BIRC6: variants seen among roughly 807,000 people sequenced by gnomAD.
BIRC6 encodes the protein dual E2 ubiquitin-conjugating enzyme/E3 ubiquitin-protein ligase BIRC6.
A neutral mutation model predicts 503.3 loss-of-function variants in BIRC6; 98 were observed. That is an observed-to-expected ratio of 0.19 (90% CI 0.17 to 0.23). The LOEUF (loss-of-function observed/expected upper bound fraction) is 0.23. Among genes scored for constraint, BIRC6 ranks in the 10% least tolerant of loss-of-function variants. The pLI is 1.00. For synonymous variants in BIRC6, 2,240 were observed against 2,078.7 expected (o/e 1.08, Z -2.11); for missense variants, 5,360 against 5,806.0 (o/e 0.92, Z 2.50).
At chr2:32,391,901 T>G (rs1326288186) in intron 4 of BIRC6, 138 bp from the exon 5 acceptor site, 2 of 575,476 alleles carry the variant, frequency 3.5e-6, no homozygotes, top group Non-Finnish European at 5.9e-6. Context: ...TAGTTTAAAG[T>G]AAAAAATTGA....
chr2:32,502,716 A>C (rs1285704401), intron 47 of BIRC6, 79 bp from the exon 48 acceptor site: 4 of 1,056,652 alleles, frequency 3.8e-6, no homozygotes, highest in Non-Finnish European at 5.4e-6. Flanking sequence ...ATTAACTAGG[A>C]AGGAATATTA....
At chr2:32,542,421 ATCTTATTCCCC>A (rs2057731998) in intron 61 of BIRC6, among the ~76,000 whole-genome samples, 1 of 152,164 alleles carries the variant, frequency 6.6e-6, no homozygotes, top group Non-Finnish European at 1.5e-5. Flanking sequence ...CAGAGACAAA[ATCTTATTCCCC>A]TCAGGCATCA....
Position 32,518,374 on chromosome 2 carries a change from A to G in BIRC6, c.11470A>G (p.Met3824Val), listed in dbSNP as rs748204802. ...GATGCTGGAAGATGAGAAAGTGACA[A>G]TGTTTCTTCAGTCTCCATGTCCAGT... ...QLMLEDEKVTMFLQSPCPLYK... is the reference protein window; with the variant it reads ...QLMLEDEKVTVFLQSPCPLYK... The change falls in exon 56 of 74, where the codon ATG (methionine) becomes GTG (valine). Residue 3824 changes from methionine to valine, a missense_variant. This residue lies in a region of BIRC6 where 878 missense variants were observed against 928.9 expected (regional missense o/e 0.95). Coordinates refer to ENST00000421745, the MANE Select transcript of BIRC6 (RefSeq NM_016252.4). 58 of 1,609,252 alleles carry G rather than the reference A, an allele frequency of 3.6e-5. No homozygotes were observed. The highest frequency in any genetic ancestry group is 1.7e-4 in the Admixed American group (10 of 58,806).
intron 68 of BIRC6, 41 bp downstream of exon 68, chr2:32,595,185 ATT>A: frequency 1.6e-6 from 2 of 1,285,358 alleles, no homozygotes; most frequent in Non-Finnish European, 2.2e-6. Context: ...CTCACTTTCC[ATT>A]TTTTTTTAAC....
chr2:32,453,784 A>G (rs1046331743), intron 22 of BIRC6, 24 bp from the exon 23 acceptor site: 3 of 1,608,310 alleles, frequency 1.9e-6, no homozygotes, highest in African/African-American at 1.3e-5. Flanking sequence ...TTCACGTGTT[A>G]TAAAACTTGT....
intron 57 of BIRC6, 91 bp downstream of exon 57, chr2:32,519,037 A>G (rs959605305): frequency 7.8e-7 from 1 of 1,287,962 alleles, no homozygotes; most frequent in African/African-American, 1.5e-5. Flanking sequence ...TTCTGCATCC[A>G]CTTTGCAACC....
chr2:32,475,346 A>G (rs2049621784), intron 33 of BIRC6, among the ~76,000 whole-genome samples: 1 of 152,118 alleles, frequency 6.6e-6, no homozygotes, highest in African/African-American at 2.4e-5. Flanking sequence ...ACCAGATTGT[A>G]AGGTCTTTAT....
At position 32,415,584 on chromosome 2, in the gene BIRC6, G is replaced by T. The variant is rs755131613; in HGVS notation, c.2293G>T (p.Ala765Ser). The T allele has an allele frequency of 1.2e-6, 2 of 1,613,818 alleles. No homozygotes were observed. The highest frequency in any genetic ancestry group is 2.2e-5 in the South Asian group (2 of 91,080). ...CTTGAGTGCAATAAATCAAGTAGAG[G>T]CCTTGAATAATTTAAATAAATTAAA... The part of the protein sequence containing the change: ...ESLSAINQVE[A>S]LNNLNKLNSA... The change falls in exon 10 of 74, where the codon GCC becomes TCC. Residue 765 changes from alanine to serine, a missense_variant. By Grantham distance (99) the Ala-to-Ser change is moderately conservative. Transcript: ENST00000421745.
chr2:32,470,895 T>C, intron 31 of BIRC6, 119 bp from the exon 32 acceptor site: 1 of 995,330 alleles, frequency 1.0e-6, no homozygotes, highest in Non-Finnish European at 1.4e-6. Flanking sequence ...ATATTAGTGT[T>C]AGTAATGATA....
intron 61 of BIRC6, among the ~76,000 whole-genome samples, chr2:32,535,383 A>G (rs573619734): frequency 1.5e-3 from 233 of 152,138 alleles, no homozygotes; most frequent in Non-Finnish European, 1.4e-3. Context: ...TACATGTGCA[A>G]TGTTGGTATG....
intron 49 of BIRC6, among the ~76,000 whole-genome samples, chr2:32,504,698 A>T (rs186024167): frequency 1.2e-4 from 18 of 151,946 alleles, no homozygotes; most frequent in African/African-American, 4.1e-4. Context: ...TAAATAATAA[A>T]AAAAATTTAA....
Position 32,467,656 on chromosome 2 carries a change from C to T in BIRC6, c.5488C>T (p.Arg1830Trp). 3 of 1,613,834 alleles carry T rather than the reference C, an allele frequency of 1.9e-6. No individual in the cohort carries two copies. Among genetic ancestry groups the T allele is most frequent in the Non-Finnish European group, 2.5e-6 (3 of 1,179,848 alleles). ...ATTAGGAGAAGAGGTGGATGGAAGG[C>T]GGTTGGTAGTGGCAACTGATATAAG... ...WTLGEEVDGR[R>W]LVVATDISTH... is the part of the protein sequence containing the mutation. Residue 1830 changes from arginine (R) to tryptophan (W), a missense_variant, in exon 27 of 74, where the codon CGG becomes TGG. Physicochemically the swap from Arg to Trp is moderately radical, Grantham distance 101. Coordinates refer to ENST00000421745, the MANE Select transcript of BIRC6 (RefSeq NM_016252.4).
At chr2:32,607,975 CAAAAAAAAAAA>C (rs35242178) in intron 72 of BIRC6, among the ~76,000 whole-genome samples, 62 of 51,940 alleles carry the variant, frequency 1.2e-3, no homozygotes, top group East Asian at 2.8e-3. Context: ...ACTCCATCTC[CAAAAAAAAAAA>C]AAAAAAAAAA....
rs10610125 is a variant in BIRC6, at chr2:32,431,181, CTTTTTTTTTTTTTTTTTTTTTTTTTT to C, written c.3248+98_3248+123del. The C allele has an allele frequency of 2.2e-4, 15 of 69,342 alleles. 1 individual carries two copies. The highest frequency in any genetic ancestry group is 4.0e-4 in the Non-Finnish European group (15 of 37,422). 4.3% of individuals were successfully genotyped at this position (69,342 alleles called of 1,614,324 possible). ...AATTCCTAGGTATATTACTGTTTAT[CTTTTTTTTTTTTTTTTTTTTTTTTTT>C]TTTTTTGAGACAGAGTCTCACTCTG... On this transcript the variant is annotated intron_variant, in intron 12 of 73. Transcript: ENST00000421745.
chr2:32,510,579 A>G lies in BIRC6; in HGVS notation c.10291A>G (p.Thr3431Ala). The G allele has an allele frequency of 6.2e-7, 1 of 1,610,510 alleles. No homozygotes were observed. Among genetic ancestry groups the G allele is most frequent in the Non-Finnish European group, 8.5e-7 (1 of 1,176,836 alleles). ...GRLNGLSSDS[T>A]IDILYQLGTT... The stretch of plus-strand genomic sequence containing the variant: ...ACTAAATGGACTCTCTTCTGACTCT[A>G]CGATAGATATTCTTTACCAGCTTGG... Residue 3431 changes from threonine to alanine, a missense_variant, in exon 53 of 74, where the codon ACG (threonine) becomes GCG (alanine). Thr to Ala is a moderately conservative substitution (Grantham distance 58, BLOSUM62 0). Around this residue, in one of 16 missense-constraint regions of BIRC6, gnomAD observed 878 missense variants for 928.9 expected, o/e 0.95. Transcript: ENST00000421745.
intron 65 of BIRC6, among the ~76,000 whole-genome samples, chr2:32,563,168 T>G (rs1480844015): frequency 6.6e-6 from 1 of 152,232 alleles, no homozygotes; most frequent in Non-Finnish European, 1.5e-5. Context: ...TTTCTCTTTG[T>G]ATGTTACATG....
Position 32,531,530 on chromosome 2 carries a change from A to G in BIRC6, c.12270A>G (p.Leu4090=), listed in dbSNP as rs1317743188. Residue 4090 remains leucine, a synonymous_variant, in exon 61 of 74, where the codon CTA becomes CTG. Coordinates refer to ENST00000421745, the MANE Select transcript of BIRC6 (RefSeq NM_016252.4). ...TTATTGCTGAAAGACTACCCATGCTATATCCAGAAGTAATTCAACAGGTAA... is the reference window on the plus strand; with the variant it reads ...TTATTGCTGAAAGACTACCCATGCTGTATCCAGAAGTAATTCAACAGGTAA... The part of the protein sequence containing the change: ...LALIAERLPM[L]YPEVIQQVSA... The G allele has an allele frequency of 3.7e-6, 6 of 1,612,626 alleles. No homozygotes were observed.
chr2:32,375,842 G>A (rs915166762), intron 1 of BIRC6, among the ~76,000 whole-genome samples: 12 of 151,196 alleles, frequency 7.9e-5, no homozygotes, highest in Non-Finnish European at 1.6e-4. Flanking sequence ...ACCTTTTATG[G>A]GTTTCATAGT....
chr2:32,557,579 A>G (rs1185299865), intron 65 of BIRC6: 2 of 152,220 alleles, frequency 1.3e-5, no homozygotes, highest in Non-Finnish European at 2.9e-5. Context: ...TTGCTCTTAG[A>G]GCAAGGGAGT....
Sources: gnomAD v4.1 joint callset for allele counts (sites outside exome capture counted in the v4.1 genomes callset) on GRCh38, gnomAD v4.1.1 for gene constraint, gnomAD v4.1.1 regional missense constraint, MANE v1.5 for transcripts, NCBI Gene and HGNC (gene_info 2026-07-23, HGNC 2026-07-21) for gene names.